FAT3: variants seen among roughly 807,000 people sequenced by gnomAD.
The protein encoded by FAT3 is FAT atypical cadherin 3.
In FAT3, 95 loss-of-function variants were observed where a neutral mutation model predicts 310.2. The observed-to-expected ratio is 0.31, with a 90% confidence interval of 0.26 to 0.36. The LOEUF (loss-of-function observed/expected upper bound fraction) is 0.36, where lower values mean the gene tolerates loss of function less well. Among genes scored for constraint, FAT3 ranks in the 10% least tolerant of loss-of-function variants. FAT3 has a pLI of 1.00. For missense variants in FAT3, 5,408 were observed against 5,715.6 expected, an observed-to-expected ratio of 0.95 and a Z score of 1.74; for synonymous variants, 2,314 against 2,192.9, an observed-to-expected ratio of 1.06 and a Z score of -1.54.
intron 12 of FAT3, among the ~76,000 whole-genome samples, chr11:92,807,963 C>T (rs1425987374): frequency 6.6e-6 from 1 of 152,178 alleles, no homozygotes; most frequent in Non-Finnish European, 1.5e-5. Context: ...TGAACAATAA[C>T]TGACTATTGA....
In FAT3 at chr11:92,701,764, T is replaced by G. The variant is rs74328217; in HGVS notation, c.3669+4319T>G. On this transcript the variant is annotated intron_variant, in intron 4 of 27. Transcript: ENST00000525166. ...AATTAACGTTTTAGTTTTTTGGTTG[T>G]GACTTTAGCTCTGATTACTTCATTA... Among the ~76,000 whole-genome samples the G allele has an allele frequency of 7.4e-3, 1,134 of 152,362 alleles. 13 individuals carry two copies. The highest frequency in any genetic ancestry group is 0.026 in the African/African-American group (1,077 of 41,588).
chr11:92,726,881 A>G (rs563678135), intron 4 of FAT3, among the ~76,000 whole-genome samples: 5 of 152,156 alleles, frequency 3.3e-5, no homozygotes, highest in Admixed American at 3.3e-4. Flanking sequence ...AGCAATGGAA[A>G]GGAAATAAGA....
intron 2 of FAT3, among the ~76,000 whole-genome samples, chr11:92,373,040 A>G (rs989242682): frequency 5.3e-5 from 8 of 152,148 alleles, no homozygotes; most frequent in African/African-American, 1.9e-4. Context: ...ATGTACGTGT[A>G]TGAATTCATG....
chr11:92,546,612 G>A (rs1057050223), intron 3 of FAT3, among the ~76,000 whole-genome samples: 12 of 152,170 alleles, frequency 7.9e-5, no homozygotes, highest in African/African-American at 2.2e-4. Flanking sequence ...AAAAATGACC[G>A]TACATAGTGA....
Position 92,800,893 on chromosome 11 carries a change from C to A in FAT3, c.7880C>A (p.Pro2627His), listed in dbSNP as rs766693054. 4 of 1,613,254 alleles carry A rather than the reference C, an allele frequency of 2.5e-6. No individual in the cohort carries two copies. Among genetic ancestry groups the A allele is most frequent in the Non-Finnish European group, 3.4e-6 (4 of 1,179,630 alleles). ...GTCACTCAAGTTCAAGCCATAGATC[C>A]CGATGATGGAGCAAATTCAAGGATT... is the stretch of plus-strand genomic sequence containing the variant. ...HLVTQVQAID[P>H]DDGANSRITY... Residue 2627 changes from proline (P) to histidine (H), a missense_variant, in exon 10 of 28, where the codon CCC becomes CAC. This residue lies in a region of FAT3 where 4,588 missense variants were observed against 4,809.8 expected (regional missense o/e 0.95). Transcript: ENST00000525166.
At chr11:92,814,480 A>G (rs1947768207) in intron 13 of FAT3, among the ~76,000 whole-genome samples, 1 of 152,206 alleles carries the variant, frequency 6.6e-6, no homozygotes, top group Non-Finnish European at 1.5e-5. Flanking sequence ...AGTTCTAAGA[A>G]ATACCGTGGC....
intron 3 of FAT3, among the ~76,000 whole-genome samples, chr11:92,622,274 T>C (rs1240221426): frequency 1.6e-5 from 2 of 126,146 alleles, no homozygotes; most frequent in South Asian, 3.4e-4. Flanking sequence ...AGAGCAAGAC[T>C]CCATCTCAAA....
intron 2 of FAT3, among the ~76,000 whole-genome samples, chr11:92,470,956 T>C (rs778902438): frequency 3.8e-4 from 58 of 152,156 alleles, no homozygotes; most frequent in Non-Finnish European, 7.8e-4. Flanking sequence ...AATAGCTACA[T>C]TTAGTATCAT....
chr11:92,284,919 C>T (rs1210702726), intron 1 of FAT3, among the ~76,000 whole-genome samples: 1 of 152,102 alleles, frequency 6.6e-6, no homozygotes, highest in East Asian at 1.9e-4. Flanking sequence ...ATACTATTAC[C>T]TCAGGGACAT....
At chr11:92,528,587 C>T (rs1245195389) in intron 3 of FAT3, among the ~76,000 whole-genome samples, 1 of 152,156 alleles carries the variant, frequency 6.6e-6, no homozygotes, top group Non-Finnish European at 1.5e-5. Flanking sequence ...GGGGTTTCAT[C>T]GTGTTAGCCA....
chr11:92,883,049 C>T lies in FAT3; in HGVS notation c.12593C>T (p.Ala4198Val), dbSNP rs751432435. The change falls in exon 24 of 28, where the codon GCC (alanine) becomes GTC (valine). Residue 4198 changes from alanine to valine, a missense_variant. Transcript: ENST00000525166. The surrounding 1 kb of genome is among the most constrained non-coding windows in gnomAD (Gnocchi z 4.2). ...ACGCTAGTGCAGGACCCGGCCACCG[C>T]CGCCCTGCTTAACAAGAGCAATGGC... Reference protein sequence around the residue: ...NITLVQDPATAALLNKSNGIP... With the variant: ...NITLVQDPATVALLNKSNGIP... 1 of 1,613,930 alleles carries T rather than the reference C, an allele frequency of 6.2e-7. No individual in the cohort carries two copies. The highest frequency in any genetic ancestry group is 8.5e-7 in the Non-Finnish European group (1 of 1,179,900).
chr11:92,579,034 A>G (rs1938642877), intron 3 of FAT3, among the ~76,000 whole-genome samples: 1 of 152,126 alleles, frequency 6.6e-6, no homozygotes, highest in Non-Finnish European at 1.5e-5. Flanking sequence ...GTTCATTATG[A>G]AAAACAAGAT....
chr11:92,825,540 C>G (rs531120304), intron 13 of FAT3, among the ~76,000 whole-genome samples: 1 of 152,184 alleles, frequency 6.6e-6, no homozygotes, highest in South Asian at 2.1e-4. Context: ...GGGCAAAGCA[C>G]AAATGCAGAC....
chr11:92,292,509 C>A (rs1331883794), intron 1 of FAT3, among the ~76,000 whole-genome samples: 2 of 152,006 alleles, frequency 1.3e-5, no homozygotes, highest in Non-Finnish European at 2.9e-5. Context: ...AGAAAATTAG[C>A]ATGTGTAGTT....
At chr11:92,813,213 T>C (rs1446922128) in intron 13 of FAT3, among the ~76,000 whole-genome samples, 1 of 152,200 alleles carries the variant, frequency 6.6e-6, no homozygotes, top group Non-Finnish European at 1.5e-5. Flanking sequence ...TATACTTGTG[T>C]TACCTCCTGA....
chr11:92,315,510 T>TAGAGAGAGAGAG (rs1197551111), intron 1 of FAT3, among the ~76,000 whole-genome samples: 51 of 78,148 alleles, frequency 6.5e-4, no homozygotes, highest in Non-Finnish European at 1.0e-3. Flanking sequence ...TATATATATA[T>TAGAGAGAGAGAG]ATAGAGAGAG....
chr11:92,479,799 G>GT (rs1952167155), intron 2 of FAT3, among the ~76,000 whole-genome samples: 1 of 152,164 alleles, frequency 6.6e-6, no homozygotes, highest in Admixed American at 6.5e-5. Flanking sequence ...ACTCCCAAGT[G>GT]TAACTCCTAT....
intron 1 of FAT3, among the ~76,000 whole-genome samples, chr11:92,230,085 T>C (rs1226309276): frequency 2.0e-5 from 3 of 152,150 alleles, no homozygotes; most frequent in Non-Finnish European, 2.9e-5. Flanking sequence ...CCTTGAGCAG[T>C]TGTTAGTATT....
Position 92,857,335 on chromosome 11 carries a change from C to G in FAT3, c.11487C>G (p.Leu3829=). ...TCTGCCAGTGTCCACCAGGGAAGCTCGGAGAGTGCTCAGGTGCAGAGTGGA... is the reference window on the plus strand; with the variant it reads ...TCTGCCAGTGTCCACCAGGGAAGCTGGGAGAGTGCTCAGGTGCAGAGTGGA... ...PFLCQCPPGK[L]GECSGHTSLS... Residue 3829 remains leucine (L), a synonymous_variant, in exon 20 of 28, where the codon CTC becomes CTG. Coordinates refer to ENST00000525166, the MANE Select transcript of FAT3 (RefSeq NM_001367949.2). The G allele has an allele frequency of 6.2e-7, 1 of 1,613,962 alleles. No homozygotes were observed. The highest frequency in any genetic ancestry group is 1.1e-5 in the South Asian group (1 of 91,072).
Sources: gnomAD v4.1 joint callset for allele counts (sites outside exome capture counted in the v4.1 genomes callset) on GRCh38, gnomAD v4.1.1 for gene constraint, gnomAD v4.1.1 regional missense constraint, Gnocchi (gnomAD v3.1) non-coding constraint, MANE v1.5 for transcripts, NCBI Gene and HGNC (gene_info 2026-07-23, HGNC 2026-07-21) for gene names.